Variants in SYNE2 observed in about 807,000 individuals in gnomAD.
SYNE2 encodes nesprin-2.
SYNE2 carries 431 observed loss-of-function variants against 856.3 expected under a neutral mutation model. That is an observed-to-expected ratio of 0.50 (90% CI 0.47 to 0.55). SYNE2 has a LOEUF of 0.55. Among genes scored for constraint, SYNE2 ranks in the 20% least tolerant of loss-of-function variants. The pLI is 0.00. For missense variants in SYNE2, 8,129 were observed against 8,023.2 expected, an observed-to-expected ratio of 1.01 and a Z score of -0.50; for synonymous variants, 2,923 against 2,872.3, an observed-to-expected ratio of 1.02 and a Z score of -0.56.
At chr14:64,000,080 A>C (rs1005775449) in intron 27 of SYNE2, among the ~76,000 whole-genome samples, 5 of 152,200 alleles carry the variant, frequency 3.3e-5, no homozygotes, top group Non-Finnish European at 5.9e-5. Context: ...TTACCAAAAA[A>C]AGCATCAAGA....
At chr14:64,200,872 C>T (rs1406746499) in intron 99 of SYNE2, among the ~76,000 whole-genome samples, 3 of 152,140 alleles carry the variant, frequency 2.0e-5, no homozygotes, top group Admixed American at 2.0e-4. Context: ...AACCCAGGCC[C>T]TGACCACAGA....
chr14:64,126,950 T>A lies in SYNE2; in HGVS notation c.13917+143T>A, dbSNP rs950764986. ...AGACTCTTCTGTTTGTTGCTCATGGTTGGAGATCATTTGAAAGTGAAGCCC... is the reference window on the plus strand; with the variant it reads ...AGACTCTTCTGTTTGTTGCTCATGGATGGAGATCATTTGAAAGTGAAGCCC... On this transcript the variant is annotated intron_variant, in intron 73 of 115. Coordinates refer to ENST00000555002, the MANE Select transcript of SYNE2 (RefSeq NM_182914.3). 4.2e-4 allele frequency: 436 copies of A among 1,032,880 alleles called. 7 individuals carry two copies. The highest frequency in any genetic ancestry group is 3.5e-3 in the South Asian group (256 of 72,914). The allele number at this position is 1,032,880 out of a possible 1,614,324, so 64.0% of individuals were successfully genotyped here.
chr14:63,770,107 A>T (rs936930160), intron 1 of SYNE2, among the ~76,000 whole-genome samples: 1 of 151,922 alleles, frequency 6.6e-6, no homozygotes, highest in African/African-American at 2.4e-5. Flanking sequence ...TTTTGTAGAG[A>T]CAGTGTCTTA....
chr14:63,785,499 C>T (rs1887487696), intron 1 of SYNE2, among the ~76,000 whole-genome samples: 1 of 152,068 alleles, frequency 6.6e-6, no homozygotes, highest in Non-Finnish European at 1.5e-5. Context: ...ACACCTGGCA[C>T]ACTTCATATC....
chr14:63,789,211 G>A (rs1020911711), intron 1 of SYNE2, among the ~76,000 whole-genome samples: 7 of 152,154 alleles, frequency 4.6e-5, no homozygotes, highest in Admixed American at 1.3e-4. Flanking sequence ...CCCTCTTGGT[G>A]CCTATGATCT....
Position 64,189,089 on chromosome 14 carries a change from T to A in SYNE2, c.17871+381T>A, listed in dbSNP as rs2098505518. On this transcript the variant is annotated intron_variant, in intron 98 of 115. Coordinates refer to ENST00000555002, the MANE Select transcript of SYNE2 (RefSeq NM_182914.3). ...TGGCTCATTGCTGTAATCCTAGCACTTTGGGAGGCCAAGGCGGGTGGATCA... is the reference window on the plus strand; with the variant it reads ...TGGCTCATTGCTGTAATCCTAGCACATTGGGAGGCCAAGGCGGGTGGATCA... 26 of 659,542 alleles carry A rather than the reference T, an allele frequency of 3.9e-5. No individual in the cohort carries two copies. The South Asian group carries it at 4.4e-4, about 11-fold the overall frequency. 40.9% of individuals were successfully genotyped at this position (659,542 alleles called of 1,614,324 possible). A position where few individuals can be genotyped will look rare whatever the true frequency, so the allele number is the denominator to read the frequency against.
chr14:63,993,209 G>A (rs539022953), intron 21 of SYNE2, among the ~76,000 whole-genome samples: 10 of 152,232 alleles, frequency 6.6e-5, no homozygotes, highest in Non-Finnish European at 1.0e-4. Context: ...GCTTATGCAC[G>A]ATAGTTAACC....
chr14:64,126,445 G>C lies in SYNE2; in HGVS notation c.13673G>C (p.Arg4558Thr). The C allele has an allele frequency of 1.2e-6, 2 of 1,614,120 alleles. No individual in the cohort carries two copies. The highest frequency in any genetic ancestry group is 1.7e-6 in the Non-Finnish European group (2 of 1,180,004). ...ATGCTGGAGATGCCCAGACTTTACA[G>C]GGAGGATGGTTCTGGCCAGCAGGTG... Reference protein sequence around the residue: ...EEMLEMPRLYREDGSGQQVHY... With the variant: ...EEMLEMPRLYTEDGSGQQVHY... Residue 4558 changes from arginine to threonine, a missense_variant, in exon 72 of 116, where the codon AGG (arginine) becomes ACG (threonine). Arg to Thr is a moderately conservative substitution (Grantham distance 71). This residue lies in a region of SYNE2 where 5,410 missense variants were observed against 5,284.8 expected (regional missense o/e 1.02). Transcript: ENST00000555002.
chr14:63,977,791 G>T, intron 12 of SYNE2, 114 bp from the exon 13 acceptor site: 1 of 760,882 alleles, frequency 1.3e-6, no homozygotes. Context: ...GGGTTGTGGG[G>T]AGGGTTTTAT....
intron 1 of SYNE2, among the ~76,000 whole-genome samples, chr14:63,809,107 G>A (rs1268284296): frequency 6.6e-6 from 1 of 152,106 alleles, no homozygotes; most frequent in East Asian, 1.9e-4. Flanking sequence ...GGATGTTTGG[G>A]TGGACCACTT....
chr14:63,854,422 C>A (rs184476298), intron 1 of SYNE2, among the ~76,000 whole-genome samples: 44 of 152,242 alleles, frequency 2.9e-4, no homozygotes, highest in Admixed American at 2.2e-3. Context: ...TGTTTTCATG[C>A]TTTAATGCAT....
At position 63,833,405 on chromosome 14, in the gene SYNE2, C is replaced by T. The variant is rs112995866; in HGVS notation, c.-304-19096C>T. Among the ~76,000 whole-genome samples the T allele has an allele frequency of 5.8e-3, 881 of 152,004 alleles. 5 individuals carry two copies. Among genetic ancestry groups the T allele is most frequent in the African/African-American group, 0.019 (802 of 41,454 alleles). The stretch of plus-strand genomic sequence containing the variant: ...TTTCTCAAATAGATAATATATGTGA[C>T]GACAGATTCTTAGCAGTGGATCAAA... On this transcript the variant is annotated intron_variant, in intron 1 of 23. Transcript: ENST00000674003.
chr14:64,146,402 G>T (rs143574080), intron 84 of SYNE2, among the ~76,000 whole-genome samples, 179 bp downstream of exon 84: 2 of 152,098 alleles, frequency 1.3e-5, no homozygotes, highest in Non-Finnish European at 2.9e-5. Flanking sequence ...GCAAAGTGCC[G>T]TTTTTTATGA....
Position 63,976,559 on chromosome 14 carries a change from T to TTG in SYNE2, c.1129-4_1129-3insTG. On this transcript the variant is annotated splice_region_variant and splice_polypyrimidine_tract_variant and intron_variant, in intron 11 of 115. Transcript: ENST00000555002. ...TATGTTCTTTTTTTTTTTTTTTTTT[T>TTG]CAGATTAATGCATGGAAAATAAAGC... The TTG allele has an allele frequency of 6.5e-6, 10 of 1,538,950 alleles. No homozygotes were observed. Among genetic ancestry groups the TTG allele is most frequent in the Non-Finnish European group, 8.7e-6 (10 of 1,146,346 alleles).
chr14:63,920,606 C>T (rs1184505790), intron 2 of SYNE2, among the ~76,000 whole-genome samples: 1 of 150,904 alleles, frequency 6.6e-6, no homozygotes, highest in African/African-American at 2.4e-5. Context: ...CCCCAGGCTT[C>T]AGTGTGGCGT....
rs571062535 is a variant in SYNE2, at chr14:63,998,697, G to C, written c.3354-217G>C. ...CTGCCTCAGCCTCCTGAGTAGCTGAGATTATAGACACCCGCCACCATGCCC... is the reference window on the plus strand; with the variant it reads ...CTGCCTCAGCCTCCTGAGTAGCTGACATTATAGACACCCGCCACCATGCCC... On this transcript the variant is annotated intron_variant, in intron 26 of 115. Transcript: ENST00000555002. Among the ~76,000 whole-genome samples the C allele has an allele frequency of 9.3e-4, 141 of 152,274 alleles. 1 individual carries two copies. Among genetic ancestry groups the C allele is most frequent in the African/African-American group, 3.2e-3 (134 of 41,562 alleles).
intron 27 of SYNE2, among the ~76,000 whole-genome samples, 161 bp from the exon 28 acceptor site, chr14:64,000,401 G>C (rs2096744771): frequency 6.6e-6 from 1 of 152,174 alleles, no homozygotes; most frequent in Non-Finnish European, 1.5e-5. Flanking sequence ...TTCCCTAAAG[G>C]ATAGTTCACT....
intron 18 of SYNE2, among the ~76,000 whole-genome samples, chr14:63,986,115 T>C (rs1042058624): frequency 6.5e-4 from 99 of 152,238 alleles, no homozygotes; most frequent in African/African-American, 2.4e-3. Flanking sequence ...TCTTTTATTT[T>C]TGAAGACAGG....
intron 85 of SYNE2, among the ~76,000 whole-genome samples, chr14:64,157,319 T>C (rs1410134101): frequency 6.6e-6 from 1 of 152,220 alleles, no homozygotes; most frequent in Non-Finnish European, 1.5e-5. Flanking sequence ...ATTCTGGACG[T>C]TTTATATAAA....
Sources: gnomAD v4.1 joint callset for allele counts (sites outside exome capture counted in the v4.1 genomes callset) on GRCh38, gnomAD v4.1.1 for gene constraint, gnomAD v4.1.1 regional missense constraint, MANE v1.5 for transcripts, NCBI Gene and HGNC (gene_info 2026-07-23, HGNC 2026-07-21) for gene names.